TNK2: variants seen among roughly 807,000 people sequenced by gnomAD.
The protein encoded by TNK2 is tyrosine kinase non receptor 2.
A neutral mutation model predicts 101.8 loss-of-function variants in TNK2; 83 were observed. That is an observed-to-expected ratio of 0.82 (90% CI 0.68 to 0.98). The LOEUF is 0.98. Among genes scored for constraint, TNK2 ranks in the 50% least tolerant of loss-of-function variants. The pLI, the probability that TNK2 is intolerant of heterozygous loss-of-function variation, is 0.00. For synonymous variants in TNK2, 804 were observed against 633.0 expected (o/e 1.27, Z -4.06); for missense variants, 1,665 against 1,483.2 (o/e 1.12, Z -2.01).
At chr3:195,895,508 C>T (rs1760228245) in intron 1 of TNK2, 1 of 1,353,246 alleles carries the variant, frequency 7.4e-7, no homozygotes, top group Non-Finnish European at 9.5e-7. Context: ...CCTCCTCCTG[C>T]CGGCCTGCGG....
At chr3:195,870,928 TGGGGGCCCGCTGTGTGGGTTCTGGTGTGG>T (rs1224680575) in intron 10 of TNK2, among the ~76,000 whole-genome samples, 41 of 150,896 alleles carry the variant, frequency 2.7e-4, no homozygotes, top group Middle Eastern at 3.5e-3. Context: ...TTCTGGTGTG[TGGGGGCCCGCTGTGTGGGTTCTGGTGTGG>T]GGGGACTCGC....
chr3:195,872,136 G>A (rs1454564623), intron 10 of TNK2, 140 bp downstream of exon 10: 5 of 971,142 alleles, frequency 5.1e-6, no homozygotes, highest in Non-Finnish European at 7.6e-6. Flanking sequence ...TAAGGCCAGG[G>A]TGAGGAGGGG....
intron 1 of TNK2, among the ~76,000 whole-genome samples, chr3:195,897,810 AC>A (rs1560543846): frequency 7.7e-5 from 2 of 26,136 alleles, no homozygotes; most frequent in Non-Finnish European, 1.8e-4. Flanking sequence ...CCACCCCCTC[AC>A]CCCCCCACCC....
intron 6 of TNK2, among the ~76,000 whole-genome samples, chr3:195,880,210 CA>C: frequency 6.6e-6 from 1 of 152,218 alleles, no homozygotes; most frequent in East Asian, 1.9e-4. Context: ...GGCCAAGTAC[CA>C]CCCCTAGTGC....
chr3:195,891,659 C>T (rs1021190662), intron 1 of TNK2, among the ~76,000 whole-genome samples: 2 of 152,124 alleles, frequency 1.3e-5, no homozygotes, highest in Non-Finnish European at 2.9e-5. Flanking sequence ...CAAAGTGACC[C>T]CCCCCCTCCA....
intron 12 of TNK2, 104 bp downstream of exon 12, chr3:195,869,393 A>AG: frequency 3.4e-6 from 2 of 584,664 alleles, no homozygotes; most frequent in South Asian, 3.1e-5. Flanking sequence ...ACACCCACCC[A>AG]CCTCCCCTCC....
intron 1 of TNK2, chr3:195,895,654 G>A (rs951026090): frequency 2.4e-6 from 3 of 1,248,262 alleles, no homozygotes; most frequent in African/African-American, 3.1e-5. Flanking sequence ...CGCCGGCCGC[G>A]GAACCGGGCT....
In TNK2 at chr3:195,888,391, A is replaced by G; in HGVS notation, c.163+35T>C. The G allele has an allele frequency of 6.2e-7, 1 of 1,601,974 alleles. No individual in the cohort carries two copies. Among genetic ancestry groups the G allele is most frequent in the Non-Finnish European group, 8.5e-7 (1 of 1,171,880 alleles). ...CTGAGGACAGAGGACGGAAAGGGTCAGGGGCAAGACAAGCCAGGCCAACAT... is the reference window on the plus strand; with the variant it reads ...CTGAGGACAGAGGACGGAAAGGGTCGGGGGCAAGACAAGCCAGGCCAACAT... On this transcript the variant is annotated intron_variant, in intron 2 of 15. Transcript: ENST00000672887. The surrounding 1 kb of genome is among the most constrained non-coding windows in gnomAD (Gnocchi z 5.3).
chr3:195,894,816 C>A (rs1759966094), intron 1 of TNK2: 1 of 156,680 alleles, frequency 6.4e-6, no homozygotes, highest in African/African-American at 2.4e-5. Context: ...GCGTTCTCTC[C>A]AAGGGGAAGG....
At chr3:195,896,162 G>C in intron 1 of TNK2, 1 of 454,874 alleles carries the variant, frequency 2.2e-6, no homozygotes, top group Non-Finnish European at 4.4e-6. Flanking sequence ...GGCCATCGCC[G>C]GCACAGGAAG....
intron 1 of TNK2, among the ~76,000 whole-genome samples, chr3:195,905,101 C>T (rs1452487263): frequency 6.6e-6 from 1 of 152,190 alleles, no homozygotes; most frequent in African/African-American, 2.4e-5. Flanking sequence ...AGTTTATAAA[C>T]CCACAGTAAT....
At position 195,868,684 on chromosome 3, in the gene TNK2, C is replaced by T; in HGVS notation, c.1614G>A (p.Glu538=). ...AGTCGCTGGACAAGGGGTCTTGGTC[C>T]TCGCTCACAGGGTCATAGGTTGGTT... ...TQKPTYDPVS[E]DQDPLSSDFK... Residue 538 remains glutamate, a synonymous_variant, in exon 13 of 16, where the codon GAG becomes GAA. Coordinates refer to ENST00000672887, the MANE Select transcript of TNK2 (RefSeq NM_001382273.1). 1 of 1,591,404 alleles carries T rather than the reference C, an allele frequency of 6.3e-7. No homozygotes were observed. The highest frequency in any genetic ancestry group is 8.5e-7 in the Non-Finnish European group (1 of 1,176,998).
intron 1 of TNK2, among the ~76,000 whole-genome samples, chr3:195,902,212 C>T (rs73891171): frequency 1.5e-3 from 223 of 152,262 alleles, no homozygotes; most frequent in African/African-American, 5.2e-3. Flanking sequence ...CTTGACTGAC[C>T]GCCTGCAATC....
intron 1 of TNK2, among the ~76,000 whole-genome samples, chr3:195,905,190 A>C (rs1009815542): frequency 2.6e-5 from 4 of 152,102 alleles, no homozygotes; most frequent in Non-Finnish European, 4.4e-5. Flanking sequence ...GACACACACA[A>C]ACAATTGATT....
At position 195,868,384 on chromosome 3, in the gene TNK2, G is replaced by A. The variant is rs1742416006; in HGVS notation, c.1914C>T (p.Asp638=). The change falls in exon 13 of 16, where the codon GAC becomes GAT. Residue 638 remains aspartate, a synonymous_variant. Transcript: ENST00000672887. ...PRPLHPTPVV[D]WDARPLPPPP... is the part of the protein sequence containing the mutation. ...GGGGGGGCAGCGGGCGTGCGTCCCA[G>A]TCCACCACAGGCGTGGGGTGCAGGG... is the stretch of plus-strand genomic sequence containing the variant. The A allele has an allele frequency of 6.3e-7, 1 of 1,591,868 alleles. No homozygotes were observed. The highest frequency in any genetic ancestry group is 8.5e-7 in the Non-Finnish European group (1 of 1,175,002).
intron 15 of TNK2, among the ~76,000 whole-genome samples, chr3:195,864,728 G>A (rs1739430913): frequency 6.9e-6 from 1 of 144,786 alleles, no homozygotes; most frequent in Non-Finnish European, 1.5e-5. Flanking sequence ...ACCCGAGACA[G>A]TGACAGACAG....
chr3:195,885,334 A>AG lies in TNK2; in HGVS notation c.235-302dup. 1 of 1,382,608 alleles carries AG rather than the reference A, an allele frequency of 7.2e-7. No individual in the cohort carries two copies. The highest frequency in any genetic ancestry group is 9.5e-7 in the Non-Finnish European group (1 of 1,057,608). The allele number at this position is 1,382,608 out of a possible 1,614,324, so 85.6% of individuals were successfully genotyped here. On this transcript the variant is annotated intron_variant, in intron 3 of 15. Coordinates refer to ENST00000672887, the MANE Select transcript of TNK2 (RefSeq NM_001382273.1). This position sits in a 1 kb window ranked among gnomAD's most constrained non-coding sequence, Gnocchi z 4.7. ...TGTGTGGAGAGGGAGGGCACCGCCC[A>AG]GCCAAGGTCGGAGTCTCCTCCCAGT...
Position 195,882,010 on chromosome 3 carries a change from G to T in TNK2, c.887+41C>A, listed in dbSNP as rs1206727399. 1.3e-6 allele frequency: 2 copies of T among 1,582,286 alleles called. No individual in the cohort carries two copies. Among genetic ancestry groups the T allele is most frequent in the Admixed American group, 3.4e-5 (2 of 58,610 alleles). On this transcript the variant is annotated intron_variant, in intron 6 of 15. Transcript: ENST00000672887. The surrounding 1 kb of genome is among the most constrained non-coding windows in gnomAD (Gnocchi z 4.2). ...AAGCCCCAGAAGCTTTGAGGCCTGG[G>T]TCTGCAGGGACTCTGTGAGCTGGCA... is the stretch of plus-strand genomic sequence containing the variant.
chr3:195,894,841 C>T (rs1759973552), intron 1 of TNK2: 1 of 165,560 alleles, frequency 6.0e-6, no homozygotes. Flanking sequence ...CTACCCCATC[C>T]ATCAACACCG....
Sources: gnomAD v4.1 joint callset for allele counts (sites outside exome capture counted in the v4.1 genomes callset) on GRCh38, gnomAD v4.1.1 for gene constraint, Gnocchi (gnomAD v3.1) non-coding constraint, MANE v1.5 for transcripts, NCBI Gene and HGNC (gene_info 2026-07-23, HGNC 2026-07-21) for gene names.